The following DNAH1 variants were observed in gnomAD, a reference collection of about 807,000 sequenced individuals.
The protein encoded by DNAH1 is dynein axonemal heavy chain 1.
In DNAH1, 327 loss-of-function variants were observed where a neutral mutation model predicts 484.3. That is an observed-to-expected ratio of 0.68 (90% CI 0.62 to 0.74). The LOEUF (loss-of-function observed/expected upper bound fraction) is 0.74. Ranked by LOEUF, DNAH1 falls within the 30% of genes least tolerant of loss-of-function variation. The pLI, the probability that DNAH1 is intolerant of heterozygous loss-of-function variation, is 0.00. For missense variants in DNAH1, 5,052 were observed against 5,546.8 expected, an observed-to-expected ratio of 0.91 and a Z score of 2.83; for synonymous variants, 2,192 against 2,191.9, an observed-to-expected ratio of 1.00 and a Z score of 0.00.
upstream of DNAH1, among the ~76,000 whole-genome samples, chr3:52,314,297 C>T (rs565359479): frequency 6.6e-6 from 1 of 152,350 alleles, no homozygotes; most frequent in African/African-American, 2.4e-5. Flanking sequence ...TGTCTCAGAG[C>T]CTGCCATCTG....
At position 52,399,099 on chromosome 3, in the gene DNAH1, G is replaced by A. The variant is rs767196276; in HGVS notation, c.12339G>A (p.Trp4113Ter). ...AAGATGGCATCCCAGCTGTCTTCTGGATCAGTGGATTCTTCTTCCCCCAGG... is the reference window on the plus strand; with the variant it reads ...AAGATGGCATCCCAGCTGTCTTCTGAATCAGTGGATTCTTCTTCCCCCAGG... ...WIQDGIPAVF[W>*]ISGFFFPQAF... Residue 4113 changes from tryptophan to a stop codon, truncating the protein, a stop_gained, in exon 76 of 78, where the codon TGG becomes TGA. Coordinates refer to ENST00000420323, the MANE Select transcript of DNAH1 (RefSeq NM_015512.5). LOFTEE classifies it high-confidence loss of function. 181 of 1,613,932 alleles carry A rather than the reference G, an allele frequency of 1.1e-4. No homozygotes were observed. The highest frequency in any genetic ancestry group is 1.5e-4 in the Non-Finnish European group (180 of 1,179,910).
intron 11 of DNAH1, 59 bp downstream of exon 11, chr3:52,346,829 G>A: frequency 1.3e-6 from 2 of 1,530,528 alleles, no homozygotes; most frequent in Non-Finnish European, 8.9e-7. Flanking sequence ...ACCTGCTGGG[G>A]ATGGAGCAGG....
chr3:52,362,416 A>C lies in DNAH1; in HGVS notation c.5009A>C (p.Glu1670Ala). 6.2e-7 allele frequency: 1 copy of C among 1,613,904 alleles called. No individual in the cohort carries two copies. Among genetic ancestry groups the C allele is most frequent in the Non-Finnish European group, 8.5e-7 (1 of 1,179,860 alleles). ...GAACGCTTCATGTTTGAGGGTGTGG[A>C]GATCCCACTGGTGCCATCCTGCGCA... is the stretch of plus-strand genomic sequence containing the variant. Reference protein sequence around the residue: ...RVERFMFEGVEIPLVPSCAVF... With the variant: ...RVERFMFEGVAIPLVPSCAVF... The change falls in exon 31 of 78, where the codon GAG (glutamate) becomes GCG (alanine). Residue 1670 changes from glutamate to alanine, a missense_variant. Transcript: ENST00000420323. The surrounding 1 kb of genome is among the most constrained non-coding windows in gnomAD (Gnocchi z 5.1).
At chr3:52,341,438 G>A (rs943038132) in intron 8 of DNAH1, among the ~76,000 whole-genome samples, 7 of 151,716 alleles carry the variant, frequency 4.6e-5, no homozygotes, top group African/African-American at 1.7e-4. Context: ...TAGAAGTCTA[G>A]TCTCAGCCTG....
At position 52,356,460 on chromosome 3, in the gene DNAH1, G is replaced by A. The variant is rs944108834; in HGVS notation, c.3694-154G>A. Among the ~76,000 whole-genome samples, 3 of 152,328 alleles carry A rather than the reference G, an allele frequency of 2.0e-5. No homozygotes were observed. In the South Asian group the frequency reaches 6.2e-4, roughly 32 times the overall value. On this transcript the variant is annotated intron_variant, in intron 21 of 77. Transcript: ENST00000420323. ...GTTCCCTGGAGTATCACAGATGACA[G>A]CACCATCTAGAAATCTCCCTGTAGA...
At chr3:52,397,069 C>G in intron 73 of DNAH1, 25 bp downstream of exon 73, 1 of 1,563,398 alleles carries the variant, frequency 6.4e-7, no homozygotes, top group Non-Finnish European at 8.7e-7. Context: ...AAGGGCTGCA[C>G]AGGAGGGGCC....
rs1298228413 is a variant in DNAH1, at chr3:52,386,819, G to T, written c.8969G>T (p.Gly2990Val). Residue 2990 changes from glycine (G) to valine (V), a missense_variant, in exon 56 of 78, where the codon GGC becomes GTC. By Grantham distance (109) the Gly-to-Val change is moderately radical. Coordinates refer to ENST00000420323, the MANE Select transcript of DNAH1 (RefSeq NM_015512.5). ...EPGKGLLQDP[G>V]HFLESLFKFD... ...GGCAAGGGGCTGCTGCAGGACCCGG[G>T]CCACTTCCTTGAGAGCCTCTTCAAG... The T allele has an allele frequency of 1.3e-6, 2 of 1,586,718 alleles. No homozygotes were observed. The highest frequency in any genetic ancestry group is 2.7e-5 in the African/African-American group (2 of 74,216).
chr3:52,326,975 G>A lies in DNAH1; in HGVS notation c.738+84G>A, dbSNP rs1701369748. ...GACGCTCAGGAGTCAGATCTGAAAG[G>A]GGATTCCCCCACCAGTCACCAGCAC... On this transcript the variant is annotated intron_variant, in intron 5 of 77. Coordinates refer to ENST00000420323, the MANE Select transcript of DNAH1 (RefSeq NM_015512.5). The A allele has an allele frequency of 4.7e-6, 7 of 1,477,062 alleles. No individual in the cohort carries two copies. In the South Asian group the frequency reaches 9.3e-5, roughly 20 times the overall value. The allele number at this position is 1,477,062 out of a possible 1,614,324, so 91.5% of individuals were successfully genotyped here.
rs1703086799 is a variant in DNAH1, at chr3:52,366,637, C to A, written c.5610+89C>A. The A allele has an allele frequency of 5.2e-6, 8 of 1,552,854 alleles. No homozygotes were observed. In the Middle Eastern group the frequency reaches 8.4e-4, roughly 163 times the overall value. On this transcript the variant is annotated intron_variant, in intron 35 of 77. Coordinates refer to ENST00000420323, the MANE Select transcript of DNAH1 (RefSeq NM_015512.5). ...AACAGGGGTTGGCCTCCATTTGTGC[C>A]CCTTGGCATAGAATACCCCTCCCCC...
chr3:52,348,780 A>T, intron 12 of DNAH1, 108 bp from the exon 13 acceptor site: 2 of 1,248,264 alleles, frequency 1.6e-6, no homozygotes, highest in Non-Finnish European at 2.3e-6. Flanking sequence ...TTCAGGCCAC[A>T]TCCTGCCCCT....
intron 8 of DNAH1, among the ~76,000 whole-genome samples, chr3:52,333,942 A>G (rs546793336): frequency 2.0e-5 from 3 of 152,358 alleles, no homozygotes; most frequent in Admixed American, 2.0e-4. Context: ...TAGGTGTATC[A>G]AGTGCATTTT....
chr3:52,359,017 G>T (rs879645606), intron 25 of DNAH1, among the ~76,000 whole-genome samples: 7 of 152,026 alleles, frequency 4.6e-5, no homozygotes, highest in Non-Finnish European at 5.9e-5. Flanking sequence ...GACCATAACC[G>T]GCAGCTGGGC....
At position 52,357,591 on chromosome 3, in the gene DNAH1, T is replaced by G. The variant is rs189414317; in HGVS notation, c.3859-23T>G. On this transcript the variant is annotated intron_variant, in intron 22 of 77. Coordinates refer to ENST00000420323, the MANE Select transcript of DNAH1 (RefSeq NM_015512.5). ...CTGGACCATGCTCACTGCCCATTTC[T>G]GTGCATGGCCCGGGCCCTGCAGGTG... 1.5e-4 allele frequency: 244 copies of G among 1,592,898 alleles called. 1 individual carries two copies. The African/African-American group carries it at 2.7e-3, about 18-fold the overall frequency.
rs1178408175 is a variant in DNAH1, at chr3:52,344,531, T to A, written c.1328T>A (p.Leu443Gln). The A allele has an allele frequency of 2.5e-6, 4 of 1,613,894 alleles. No individual in the cohort carries two copies. In the African/African-American group the frequency reaches 5.3e-5, roughly 22 times the overall value. ...HLSSLAREVSLDYERSMNKIN... is the reference protein window; with the variant it reads ...HLSSLAREVSQDYERSMNKIN... ...AGCAGTCTTGCCAGAGAAGTGAGCC[T>A]GGACTATGAGCGCAGCATGAACAAG... The change falls in exon 9 of 78, where the codon CTG becomes CAG. Residue 443 changes from leucine to glutamine, a missense_variant. By Grantham distance (113) the Leu-to-Gln change is moderately radical (BLOSUM62 -2). Transcript: ENST00000420323.
intron 66 of DNAH1, among the ~76,000 whole-genome samples, chr3:52,394,161 T>C (rs909493225): frequency 1.3e-5 from 2 of 152,384 alleles, no homozygotes; most frequent in African/African-American, 4.8e-5. Flanking sequence ...CAGCCACCAC[T>C]GTCAGAGCCC....
Position 52,368,364 on chromosome 3 carries a change from G to A in DNAH1, c.5766-377G>A, listed in dbSNP as rs912890516. Among the ~76,000 whole-genome samples the A allele has an allele frequency of 6.6e-6, 1 of 152,076 alleles. No homozygotes were observed. The highest frequency in any genetic ancestry group is 2.4e-5 in the African/African-American group (1 of 41,374). On this transcript the variant is annotated intron_variant, in intron 36 of 77. Transcript: ENST00000420323. The surrounding 1 kb of genome is among the most constrained non-coding windows in gnomAD (Gnocchi z 4.4). Reference sequence around the variant, plus strand: ...CTGCCTCTGAGGTCTGAGTCCCCTGGGTTCTGAGGCAGGACCTGGCCACTT... The same window carrying A: ...CTGCCTCTGAGGTCTGAGTCCCCTGAGTTCTGAGGCAGGACCTGGCCACTT...
chr3:52,374,095 A>G (rs1291167059), intron 44 of DNAH1: 1 of 1,070,084 alleles, frequency 9.3e-7, no homozygotes. Flanking sequence ...CTCAGGAGAG[A>G]GATTTTCTTA....
At chr3:52,326,414 A>C (rs1578073660) in intron 4 of DNAH1, 100 bp downstream of exon 4, 2 of 1,379,380 alleles carry the variant, frequency 1.4e-6, no homozygotes, top group East Asian at 4.8e-5. Flanking sequence ...TCCTCATGGC[A>C]GAGCCTGTGC....
At chr3:52,314,811 CAA>C (rs1054979566), upstream of DNAH1, among the ~76,000 whole-genome samples, 3 of 152,114 alleles carry the variant, frequency 2.0e-5, no homozygotes, top group Non-Finnish European at 2.9e-5. Context: ...CATAGAAAAA[CAA>C]AGAGGGAAGA....
Sources: gnomAD v4.1 joint callset for allele counts (sites outside exome capture counted in the v4.1 genomes callset) on GRCh38, gnomAD v4.1.1 for gene constraint, Gnocchi (gnomAD v3.1) non-coding constraint, MANE v1.5 for transcripts, NCBI Gene and HGNC (gene_info 2026-07-23, HGNC 2026-07-21) for gene names.